ARPP21: variants seen among roughly 807,000 people sequenced by gnomAD.
ARPP21 encodes the protein cAMP regulated phosphoprotein 21.
ARPP21 carries 69 observed loss-of-function variants against 113.2 expected under a neutral mutation model. The observed-to-expected ratio is 0.61, with a 90% CI of 0.50 to 0.74. The LOEUF (loss-of-function observed/expected upper bound fraction) is 0.74, where lower values mean the gene tolerates loss of function less well. ARPP21 is among the 30% of genes least tolerant of loss of function. The probability of loss-of-function intolerance (pLI) is 0.00; values close to 1 mark genes in which losing one functional copy is unlikely to be tolerated. For synonymous variants in ARPP21, 368 were observed against 375.5 expected (o/e 0.98, Z 0.23); for missense variants, 1,070 against 1,037.4 (o/e 1.03, Z -0.43).
chr3:35,688,196 C>T (rs1021767159), intron 6 of ARPP21, among the ~76,000 whole-genome samples: 2 of 151,448 alleles, frequency 1.3e-5, no homozygotes, highest in Admixed American at 6.6e-5. Context: ...GTTTCTTGGA[C>T]CGATTAACTT....
At chr3:35,756,272 T>C (rs1198160074) in intron 19 of ARPP21, among the ~76,000 whole-genome samples, 1 of 152,094 alleles carries the variant, frequency 6.6e-6, no homozygotes, top group African/African-American at 2.4e-5. Flanking sequence ...TTAGTATAAT[T>C]CTAAAAGAAA....
chr3:35,780,537 C>A (rs866036314), intron 19 of ARPP21, among the ~76,000 whole-genome samples: 2 of 151,920 alleles, frequency 1.3e-5, no homozygotes, highest in South Asian at 2.1e-4. Context: ...TGGCCTCCCC[C>A]GCAGTGTAAT....
intron 3 of ARPP21, chr3:35,682,516 A>G (rs925772148): frequency 2.8e-5 from 7 of 246,128 alleles, no homozygotes; most frequent in African/African-American, 1.6e-4. Flanking sequence ...ACTAAACTAC[A>G]GAAGTGTTAA....
chr3:35,726,285 C>T (rs2093529739), intron 14 of ARPP21, among the ~76,000 whole-genome samples: 1 of 152,224 alleles, frequency 6.6e-6, no homozygotes, highest in Admixed American at 6.5e-5. Flanking sequence ...CTTCCAGTCC[C>T]TTGCCTTTTA....
At chr3:35,790,665 G>A (rs2096730157) in intron 19 of ARPP21, among the ~76,000 whole-genome samples, 2 of 152,180 alleles carry the variant, frequency 1.3e-5, no homozygotes, top group Admixed American at 1.3e-4. Context: ...CTGTAGGTAT[G>A]CAGAACTCTG....
intron 15 of ARPP21, among the ~76,000 whole-genome samples, chr3:35,733,680 C>T (rs943923498): frequency 5.3e-5 from 8 of 152,184 alleles, no homozygotes; most frequent in African/African-American, 1.9e-4. Flanking sequence ...TCACCTATCC[C>T]GGGTCTCTTA....
chr3:35,728,493 C>G (rs1240485888), intron 14 of ARPP21, among the ~76,000 whole-genome samples: 1 of 150,628 alleles, frequency 6.6e-6, no homozygotes, highest in Non-Finnish European at 1.5e-5. Context: ...GCTGGGATTA[C>G]AGGCGTGAAC....
chr3:35,648,175 T>C (rs1239452455), intron 1 of ARPP21, among the ~76,000 whole-genome samples: 2 of 152,164 alleles, frequency 1.3e-5, no homozygotes, highest in African/African-American at 4.8e-5. Flanking sequence ...GAAGTGTTCA[T>C]TGCATAAGGA....
intron 19 of ARPP21, among the ~76,000 whole-genome samples, chr3:35,764,515 G>T (rs962310308): frequency 6.6e-6 from 1 of 152,062 alleles, no homozygotes; most frequent in Non-Finnish European, 1.5e-5. Context: ...GGATTCTTAT[G>T]TGCTTTCCTC....
chr3:35,706,587 A>G (rs2089182863), intron 9 of ARPP21, among the ~76,000 whole-genome samples: 1 of 152,230 alleles, frequency 6.6e-6, no homozygotes, highest in Non-Finnish European at 1.5e-5. Context: ...ACATTGGTGA[A>G]TTAATGTGTT....
chr3:35,753,909 T>G (rs774707773), intron 19 of ARPP21, among the ~76,000 whole-genome samples: 1 of 151,692 alleles, frequency 6.6e-6, no homozygotes, highest in African/African-American at 2.4e-5. Context: ...GGGTTGACAG[T>G]GAATTCAATA....
chr3:35,658,792 C>G (rs1489337516), intron 1 of ARPP21, among the ~76,000 whole-genome samples: 1 of 152,038 alleles, frequency 6.6e-6, no homozygotes, highest in Admixed American at 6.6e-5. Flanking sequence ...AAGGCTGGAC[C>G]TGTGCTGTGC....
chr3:35,686,808 A>T (rs2080742772), intron 5 of ARPP21, among the ~76,000 whole-genome samples: 1 of 151,594 alleles, frequency 6.6e-6, no homozygotes, highest in South Asian at 2.1e-4. Flanking sequence ...TTTACATAAA[A>T]CTGAAAAATA....
chr3:35,765,535 T>A (rs750482029), intron 19 of ARPP21, among the ~76,000 whole-genome samples: 10 of 152,130 alleles, frequency 6.6e-5, no homozygotes, highest in Non-Finnish European at 1.3e-4. Flanking sequence ...TGAGCATAGC[T>A]GGGATACAAT....
At chr3:35,715,556 C>T in intron 12 of ARPP21, 80 bp downstream of exon 12, 1 of 1,126,962 alleles carries the variant, frequency 8.9e-7, no homozygotes, top group South Asian at 1.3e-5. Context: ...AAATATATAT[C>T]CCATATATGT....
chr3:35,643,610 C>A (rs550178112), intron 1 of ARPP21: 1 of 152,086 alleles, frequency 6.6e-6, no homozygotes, highest in Admixed American at 6.5e-5. Context: ...AATGAGTCAG[C>A]CACTGAAGAC....
At chr3:35,731,452 T>C (rs772797959) in intron 15 of ARPP21, among the ~76,000 whole-genome samples, 6 of 152,162 alleles carry the variant, frequency 3.9e-5, no homozygotes, top group Non-Finnish European at 7.4e-5. Context: ...ATCTGACAAA[T>C]GCTAAATTTA....
At chr3:35,667,661 T>TA (rs768665244) in intron 1 of ARPP21, among the ~76,000 whole-genome samples, 73 of 152,080 alleles carry the variant, frequency 4.8e-4, no homozygotes, top group Non-Finnish European at 8.4e-4. Flanking sequence ...GAGAAAAAGA[T>TA]ATGTAAGAGT....
chr3:35,756,041 A>C (rs2095557307), intron 19 of ARPP21, among the ~76,000 whole-genome samples: 8 of 152,092 alleles, frequency 5.3e-5, no homozygotes, highest in Admixed American at 5.2e-4. Flanking sequence ...ACACAAACGC[A>C]AATTCAGCAA....
Sources: gnomAD v4.1 joint callset for allele counts (sites outside exome capture counted in the v4.1 genomes callset) on GRCh38, gnomAD v4.1.1 for gene constraint, MANE v1.5 for transcripts, NCBI Gene and HGNC (gene_info 2026-07-23, HGNC 2026-07-21) for gene names.